The following NRAP variants were observed in gnomAD, a reference collection of about 807,000 sequenced individuals.
NRAP encodes nebulin-related-anchoring protein.
A neutral mutation model predicts 225.9 loss-of-function variants in NRAP; 189 were observed. That is an observed-to-expected ratio of 0.84 (90% confidence interval 0.74 to 0.94). The LOEUF (loss-of-function observed/expected upper bound fraction) is 0.94, where lower values mean the gene tolerates loss of function less well. Among genes scored for constraint, NRAP ranks in the 40% least tolerant of loss-of-function variants. The pLI is 0.00. For missense variants in NRAP, 2,176 were observed against 2,168.7 expected (o/e 1.00, Z -0.07); for synonymous variants, 769 against 790.7 (o/e 0.97, Z 0.46).
chr10:113,652,167 AATGTT>A (rs1850016139), intron 6 of NRAP, among the ~76,000 whole-genome samples: 1 of 102,132 alleles, frequency 9.8e-6, no homozygotes, highest in Admixed American at 1.1e-4. Flanking sequence ...TGGCAGGACT[AATGTT>A]TTCCTCACTT....
rs141024198 is a variant in NRAP at position 113,615,721 on chromosome 10, A to G, written c.3069T>C (p.Asn1023=). 68 of 1,598,654 alleles carry G rather than the reference A, an allele frequency of 4.3e-5. No individual in the cohort carries two copies. The African/African-American group carries it at 7.5e-4, about 18-fold the overall frequency. The part of the protein sequence containing the change: ...EVLLAKLNAM[N]ISETRYKESW... The stretch of plus-strand genomic sequence containing the variant: ...CTTGGGTCAGCCTCACCTCACTGAT[A>G]TTCATGGCATTCAGCTTGGCCAGCA... The change falls in exon 27 of 42, where the codon AAT becomes AAC. Residue 1023 remains asparagine, a synonymous_variant. Coordinates refer to ENST00000359988, the MANE Select transcript of NRAP (RefSeq NM_198060.4).
At chr10:113,622,441 G>C (rs1254186585) in intron 23 of NRAP, among the ~76,000 whole-genome samples, 1 of 152,166 alleles carries the variant, frequency 6.6e-6, no homozygotes. Context: ...GAAATGAGAA[G>C]CATACAGAAT....
chr10:113,648,499 T>C (rs756858670), intron 9 of NRAP, among the ~76,000 whole-genome samples: 44 of 143,762 alleles, frequency 3.1e-4, no homozygotes, highest in Non-Finnish European at 4.1e-4. Flanking sequence ...ATGTTGTAAG[T>C]GTTAATCTTT....
rs752347812 is a variant in NRAP at position 113,621,855 on chromosome 10, C to G, written c.2769+14G>C. On this transcript the variant is annotated intron_variant, in intron 24 of 41. Coordinates refer to ENST00000359988, the MANE Select transcript of NRAP (RefSeq NM_198060.4). ...ACATACACACACAAGTGCACACACT[C>G]ACACAGAGCTTACATCACTCTGTAA... 1 of 1,595,676 alleles carries G rather than the reference C, an allele frequency of 6.3e-7. No homozygotes were observed. Among genetic ancestry groups the G allele is most frequent in the Non-Finnish European group, 8.6e-7 (1 of 1,168,662 alleles).
chr10:113,647,126 C>T lies in NRAP; in HGVS notation c.889-99G>A, dbSNP rs1047684382. On this transcript the variant is annotated intron_variant, in intron 9 of 41. Transcript: ENST00000359988. Reference sequence around the variant, plus strand: ...CATAGAGCCTATTCTCACAGAGGTTCATCCACCTTGGGTATTTCACTGATG... The same window carrying T: ...CATAGAGCCTATTCTCACAGAGGTTTATCCACCTTGGGTATTTCACTGATG... 62 of 787,092 alleles carry T rather than the reference C, an allele frequency of 7.9e-5. No individual in the cohort carries two copies. The African/African-American group carries it at 9.4e-4, about 12-fold the overall frequency. 48.8% of individuals were successfully genotyped at this position (787,092 alleles called of 1,614,324 possible).
chr10:113,640,316 C>G lies in NRAP; in HGVS notation c.1339G>C (p.Asp447His). The change falls in exon 14 of 42, where the codon GAT becomes CAT. Residue 447 changes from aspartate (D) to histidine (H), a missense_variant. Coordinates refer to ENST00000359988, the MANE Select transcript of NRAP (RefSeq NM_198060.4). Reference sequence around the variant, plus strand: ...TAGTCGACAATATCATGTTTATAATCAGCTTTGTAGGCAACCTAAAACAGG... The same window carrying G: ...TAGTCGACAATATCATGTTTATAATGAGCTTTGTAGGCAACCTAAAACAGG... ...SLASNVAYKA[D>H]YKHDIVDYNY... is the part of the protein sequence containing the mutation. 6.3e-7 allele frequency: 1 copy of G among 1,589,314 alleles called. No individual in the cohort carries two copies. Among genetic ancestry groups the G allele is most frequent in the Non-Finnish European group, 8.6e-7 (1 of 1,167,038 alleles).
At chr10:113,623,031 T>C (rs191540483) in intron 23 of NRAP, among the ~76,000 whole-genome samples, 1 of 152,372 alleles carries the variant, frequency 6.6e-6, no homozygotes, top group African/African-American at 2.4e-5. Context: ...CAACACTTCA[T>C]GTACGTCAGT....
At chr10:113,660,234 C>G (rs1249840797) in intron 3 of NRAP, among the ~76,000 whole-genome samples, 1 of 151,994 alleles carries the variant, frequency 6.6e-6, no homozygotes, top group African/African-American at 2.4e-5. Context: ...CACATACACA[C>G]CAAATACATG....
chr10:113,600,207 G>C (rs1453890800), intron 35 of NRAP, among the ~76,000 whole-genome samples: 1 of 134,342 alleles, frequency 7.4e-6, no homozygotes, highest in African/African-American at 2.9e-5. Flanking sequence ...GGTCTCTCTT[G>C]TTACCCAGGC....
At chr10:113,613,887 C>T (rs749859555) in intron 29 of NRAP, among the ~76,000 whole-genome samples, 7 of 151,914 alleles carry the variant, frequency 4.6e-5, no homozygotes, top group South Asian at 2.1e-4. Flanking sequence ...AATGAAAGAC[C>T]CCTGGAGGCC....
intron 39 of NRAP, 96 bp from the exon 40 acceptor site, chr10:113,590,985 G>C (rs1360097894): frequency 9.3e-7 from 1 of 1,077,126 alleles, no homozygotes; most frequent in African/African-American, 1.6e-5. Flanking sequence ...TCAGCAGGAG[G>C]CTCAAGAGTG....
chr10:113,595,366 A>G (rs1846227626), intron 38 of NRAP, among the ~76,000 whole-genome samples: 1 of 152,154 alleles, frequency 6.6e-6, no homozygotes, highest in Non-Finnish European at 1.5e-5. Flanking sequence ...TTGGAGCCAT[A>G]CCCAAGTCAG....
intron 18 of NRAP, among the ~76,000 whole-genome samples, chr10:113,630,178 A>G (rs374538680): frequency 6.6e-6 from 1 of 152,184 alleles, no homozygotes; most frequent in African/African-American, 2.4e-5. Flanking sequence ...AAGTTATGTC[A>G]CCTCTCTAAG....
chr10:113,642,896 A>T, intron 12 of NRAP, 38 bp downstream of exon 12: 2 of 1,070,396 alleles, frequency 1.9e-6, no homozygotes, highest in Non-Finnish European at 2.9e-6. Context: ...TAAGCTCACC[A>T]ACAGTGCCCA....
Position 113,614,959 on chromosome 10 carries a change from T to C in NRAP, c.3079-13A>G, listed in dbSNP as rs956219861. The stretch of plus-strand genomic sequence containing the variant: ...CCTTATAACGCGTCTGTCGGGAAGA[T>C]GTGCACAAGGAAAGACCTTTAAGTG... On this transcript the variant is annotated splice_polypyrimidine_tract_variant and intron_variant, in intron 27 of 41. Transcript: ENST00000359988. The C allele has an allele frequency of 6.7e-7, 1 of 1,489,986 alleles. No individual in the cohort carries two copies. The highest frequency in any genetic ancestry group is 9.4e-7 in the Non-Finnish European group (1 of 1,066,026). 92.3% of individuals were successfully genotyped at this position (1,489,986 alleles called of 1,614,324 possible). A position where few individuals can be genotyped will look rare whatever the true frequency, so the allele number is the denominator to read the frequency against.
rs142938392 is a variant in NRAP, at chr10:113,660,051, A to AACACACACACAC, written c.256-2489_256-2478dup. 2.7e-3 allele frequency among the ~76,000 whole-genome samples: 384 copies of AACACACACACAC among 144,422 alleles called. 3 individuals carry two copies. Among genetic ancestry groups the AACACACACACAC allele is most frequent in the African/African-American group, 4.5e-3 (174 of 38,932 alleles). The allele number at this position is 144,422 out of a possible 152,430, so 94.7% of individuals were successfully genotyped here. A position where few individuals can be genotyped will look rare whatever the true frequency, so the allele number is the denominator to read the frequency against. On this transcript the variant is annotated intron_variant, in intron 3 of 41. Coordinates refer to ENST00000359988, the MANE Select transcript of NRAP (RefSeq NM_198060.4). The stretch of plus-strand genomic sequence containing the variant: ...AAAGGAGAAAGTGATCTCAGTAGAC[A>AACACACACACAC]ACACACACACACACACACACACACA...
intron 18 of NRAP, among the ~76,000 whole-genome samples, chr10:113,630,725 A>C (rs1848531240): frequency 3.9e-5 from 6 of 152,204 alleles, no homozygotes; most frequent in Admixed American, 3.9e-4. Flanking sequence ...TATGCACTTC[A>C]TTCGGCTTGT....
intron 31 of NRAP, among the ~76,000 whole-genome samples, chr10:113,608,952 A>T (rs1277910063): frequency 6.6e-6 from 1 of 152,196 alleles, no homozygotes; most frequent in African/African-American, 2.4e-5. Context: ...TAAGGTCAGG[A>T]GTTCGAGACC....
chr10:113,640,139 T>C, intron 14 of NRAP, 88 bp downstream of exon 14: 1 of 741,458 alleles, frequency 1.3e-6, no homozygotes, highest in Non-Finnish European at 2.3e-6. Context: ...TTGTATCATG[T>C]TTCTTTCCAT....
Sources: allele counts gnomAD v4.1 joint callset (sites outside exome capture counted in the v4.1 genomes callset), GRCh38; gene constraint gnomAD v4.1.1; transcripts MANE v1.5; gene names NCBI Gene and HGNC (gene_info 2026-07-23, HGNC 2026-07-21).